The following TTC38 variants were observed in gnomAD, a reference collection of about 807,000 sequenced individuals.
TTC38 encodes tetratricopeptide repeat protein 38.
A neutral mutation model predicts 64.2 loss-of-function variants in TTC38; 64 were observed. That is an observed-to-expected ratio of 1.00 (90% CI 0.81 to 1.23). The LOEUF (loss-of-function observed/expected upper bound fraction) is 1.23. TTC38 is among the 50% of genes most tolerant of loss of function. The pLI, the probability that TTC38 is intolerant of heterozygous loss-of-function variation, is 0.00. For missense variants in TTC38, 573 were observed against 615.5 expected, an observed-to-expected ratio of 0.93 and a Z score of 0.73; for synonymous variants, 254 against 249.3, an observed-to-expected ratio of 1.02 and a Z score of -0.18.
chr22:46,288,191 CTT>C (rs1006433975), intron 10 of TTC38, among the ~76,000 whole-genome samples: 2 of 152,178 alleles, frequency 1.3e-5, no homozygotes, highest in Non-Finnish European at 2.9e-5. Flanking sequence ...ACCTTTGACA[CTT>C]TTTAAAATGT....
Position 46,291,557 on chromosome 22 carries a change from A to G in TTC38, c.1317-1234A>G, listed in dbSNP as rs1221637478. Among the ~76,000 whole-genome samples the G allele has an allele frequency of 6.6e-6, 1 of 152,140 alleles. No homozygotes were observed. The highest frequency in any genetic ancestry group is 1.9e-4 in the East Asian group (1 of 5,192). ...ACCCACAGCCATGGTGCCCCCCACA[A>G]TGAGTTCCCGGCCCCAGCCCCTTCA... On this transcript the variant is annotated intron_variant, in intron 13 of 13. Transcript: ENST00000381031. The surrounding 1 kb of genome is among the most constrained non-coding windows in gnomAD (Gnocchi z 4.6).
chr22:46,280,285 G>A (rs1298417538), intron 6 of TTC38: 1 of 452,646 alleles, frequency 2.2e-6, no homozygotes, highest in South Asian at 1.6e-5. Context: ...TGGCTCAATG[G>A]GTGGAGGCTT....
In TTC38 at chr22:46,281,110, T is replaced by C. The variant is rs1458427273; in HGVS notation, c.616-489T>C. Among the ~76,000 whole-genome samples, 1 of 152,108 alleles carries C rather than the reference T, an allele frequency of 6.6e-6. No homozygotes were observed. Among genetic ancestry groups the C allele is most frequent in the Non-Finnish European group, 1.5e-5 (1 of 68,030 alleles). Reference sequence around the variant, plus strand: ...CCAGAAAGCCACGTGTCCTCACATATATGGTAGTGGGAAGAGGCAGTCACA... The same window carrying C: ...CCAGAAAGCCACGTGTCCTCACATACATGGTAGTGGGAAGAGGCAGTCACA... On this transcript the variant is annotated intron_variant, in intron 6 of 13. Transcript: ENST00000381031. The surrounding 1 kb of genome is among the most constrained non-coding windows in gnomAD (Gnocchi z 5.2).
chr22:46,292,394 T>C lies in TTC38; in HGVS notation c.1317-397T>C. 3.3e-6 allele frequency: 1 copy of C among 302,876 alleles called. No homozygotes were observed. The highest frequency in any genetic ancestry group is 6.6e-6 in the Non-Finnish European group (1 of 151,426). 18.8% of individuals were successfully genotyped at this position (302,876 alleles called of 1,614,324 possible). A position where few individuals can be genotyped will look rare whatever the true frequency, so the allele number is the denominator to read the frequency against. On this transcript the variant is annotated intron_variant, in intron 13 of 13. Transcript: ENST00000381031. This position sits in a 1 kb window ranked among gnomAD's most constrained non-coding sequence, Gnocchi z 6.5. Reference sequence around the variant, plus strand: ...CCCATTCACAAGGGCCCCACCCTCATGACTTAATCACCTCCAAGAGGCCCT... The same window carrying C: ...CCCATTCACAAGGGCCCCACCCTCACGACTTAATCACCTCCAAGAGGCCCT...
In TTC38 at chr22:46,273,718, C is replaced by T. The variant is rs548559686; in HGVS notation, c.194-180C>T. ...GTGCCTTTAGGCTTGCAGTTCCCTC[C>T]ATGCTTGACAAGAGCCGAGGCTGAG... On this transcript the variant is annotated intron_variant, in intron 3 of 13. Transcript: ENST00000381031. This position sits in a 1 kb window ranked among gnomAD's most constrained non-coding sequence, Gnocchi z 5.1. Among the ~76,000 whole-genome samples, 1 of 152,328 alleles carries T rather than the reference C, an allele frequency of 6.6e-6. No homozygotes were observed. The highest frequency in any genetic ancestry group is 2.4e-5 in the African/African-American group (1 of 41,568).
In TTC38 at chr22:46,274,306, T is replaced by C. The variant is rs1037099597; in HGVS notation, c.365+237T>C. Among the ~76,000 whole-genome samples the C allele has an allele frequency of 2.0e-5, 3 of 152,166 alleles. No homozygotes were observed. Among genetic ancestry groups the C allele is most frequent in the African/African-American group, 7.2e-5 (3 of 41,434 alleles). On this transcript the variant is annotated intron_variant, in intron 4 of 13. Coordinates refer to ENST00000381031, the MANE Select transcript of TTC38 (RefSeq NM_017931.4). This position sits in a 1 kb window ranked among gnomAD's most constrained non-coding sequence, Gnocchi z 4.8. Reference sequence around the variant, plus strand: ...AACTTAGTGTCCAAAGTAACTTGCTTTGTTTCATTAAGTAAATTATATATT... The same window carrying C: ...AACTTAGTGTCCAAAGTAACTTGCTCTGTTTCATTAAGTAAATTATATATT...
intron 2 of TTC38, 61 bp downstream of exon 2, chr22:46,268,652 T>TC: frequency 6.6e-7 from 1 of 1,506,942 alleles, no homozygotes; most frequent in South Asian, 1.1e-5. Context: ...GGTTTTTTAA[T>TC]TGGGGAAAGC....
At chr22:46,279,462 A>G (rs1482129233) in intron 6 of TTC38, among the ~76,000 whole-genome samples, 1 of 152,214 alleles carries the variant, frequency 6.6e-6, no homozygotes, top group African/African-American at 2.4e-5. Context: ...AGCCTGCCTA[A>G]GACCACATGG....
intron 10 of TTC38, 81 bp downstream of exon 10, chr22:46,287,235 G>T (rs2077578312): frequency 7.5e-7 from 1 of 1,335,310 alleles, no homozygotes; most frequent in Non-Finnish European, 1.0e-6. Flanking sequence ...TAGGCCCAGG[G>T]TTGGGCAAGA....
At chr22:46,288,808 C>T (rs1274797121) in intron 11 of TTC38, among the ~76,000 whole-genome samples, 2 of 152,206 alleles carry the variant, frequency 1.3e-5, no homozygotes, top group Non-Finnish European at 2.9e-5. Context: ...ACTGGTTGCC[C>T]CAAGACACAG....
intron 8 of TTC38, 52 bp downstream of exon 8, chr22:46,284,084 G>A (rs1158582842): frequency 6.8e-7 from 1 of 1,480,986 alleles, no homozygotes; most frequent in Non-Finnish European, 9.3e-7. Context: ...TGTCTAGAGG[G>A]AGAAAGATTT....
intron 9 of TTC38, among the ~76,000 whole-genome samples, chr22:46,285,494 G>C (rs541621134): frequency 1.3e-5 from 2 of 152,136 alleles, no homozygotes; most frequent in African/African-American, 4.8e-5. Context: ...TGCTCAACTC[G>C]AGGGTGCTGA....
chr22:46,290,931 T>C lies in TTC38; in HGVS notation c.1316+1032T>C, dbSNP rs193222487. ...ATAAGTGAAAGGAAGAATAGAGGAG[T>C]CATGGGGTGCCTGGTGGGGAAGGTG... On this transcript the variant is annotated intron_variant, in intron 13 of 13. Coordinates refer to ENST00000381031, the MANE Select transcript of TTC38 (RefSeq NM_017931.4). 1.2e-3 allele frequency among the ~76,000 whole-genome samples: 182 copies of C among 151,804 alleles called. 1 individual carries two copies. Among genetic ancestry groups the C allele is most frequent in the African/African-American group, 4.3e-3 (177 of 41,368 alleles).
chr22:46,288,361 C>T, intron 10 of TTC38, 62 bp from the exon 11 acceptor site: 1 of 1,542,284 alleles, frequency 6.5e-7, no homozygotes, highest in Non-Finnish European at 8.8e-7. Flanking sequence ...GAGGGAGGCC[C>T]TTGCACGGGA....
rs1010599962 is a variant in TTC38, at chr22:46,270,365, G to A, written c.111+1774G>A. Among the ~76,000 whole-genome samples, 2 of 151,676 alleles carry A rather than the reference G, an allele frequency of 1.3e-5. No homozygotes were observed. Among genetic ancestry groups the A allele is most frequent in the Non-Finnish European group, 2.9e-5 (2 of 67,984 alleles). ...GATTGTGCCACTGTACTCCATCCTG[G>A]GCAACAGAGCAAACCCTGTCTTAAA... is the stretch of plus-strand genomic sequence containing the variant. On this transcript the variant is annotated intron_variant, in intron 2 of 13. Transcript: ENST00000381031. The surrounding 1 kb of genome is among the most constrained non-coding windows in gnomAD (Gnocchi z 4.7).
Position 46,278,576 on chromosome 22 carries a change from C to G in TTC38, c.540-10C>G. Reference sequence around the variant, plus strand: ...ATTTTGTATTCTGAGATCTTTTTTTCTGTTTTTAGCTATGTGAAAGGCATC... The same window carrying G: ...ATTTTGTATTCTGAGATCTTTTTTTGTGTTTTTAGCTATGTGAAAGGCATC... On this transcript the variant is annotated splice_polypyrimidine_tract_variant and intron_variant, in intron 5 of 13. Coordinates refer to ENST00000381031, the MANE Select transcript of TTC38 (RefSeq NM_017931.4). 16 of 1,612,062 alleles carry G rather than the reference C, an allele frequency of 9.9e-6. No homozygotes were observed. The highest frequency in any genetic ancestry group is 1.4e-5 in the Non-Finnish European group (16 of 1,178,548).
At chr22:46,286,193 A>G (rs1336708240) in intron 9 of TTC38, among the ~76,000 whole-genome samples, 3 of 151,998 alleles carry the variant, frequency 2.0e-5, no homozygotes, top group Non-Finnish European at 4.4e-5. Flanking sequence ...AGAGGGGGAA[A>G]AAAAAAAGCC....
Position 46,272,467 on chromosome 22 carries a change from C to T in TTC38, c.193+51C>T, listed in dbSNP as rs1205698886. ...GGAGCCCCGCTTCACACATCCAGCC[C>T]CTCTCTTTCCTTTACCACAGGGACA... On this transcript the variant is annotated intron_variant, in intron 3 of 13. Coordinates refer to ENST00000381031, the MANE Select transcript of TTC38 (RefSeq NM_017931.4). The surrounding 1 kb of genome is among the most constrained non-coding windows in gnomAD (Gnocchi z 6.4). The T allele has an allele frequency of 1.4e-6, 2 of 1,462,168 alleles. No individual in the cohort carries two copies. Among genetic ancestry groups the T allele is most frequent in the African/African-American group, 2.8e-5 (2 of 71,532 alleles). The allele number at this position is 1,462,168 out of a possible 1,614,324, so 90.6% of individuals were successfully genotyped here.
At chr22:46,277,040 TATACATACACACACACAC>T (rs1294999147) in intron 5 of TTC38, among the ~76,000 whole-genome samples, 47 of 75,600 alleles carry the variant, frequency 6.2e-4, no homozygotes, top group African/African-American at 2.6e-3. Flanking sequence ...AATACATATA[TATACATACACACACACAC>T]ACACACACAC....
Sources: gnomAD v4.1 joint callset for allele counts (sites outside exome capture counted in the v4.1 genomes callset) on GRCh38, gnomAD v4.1.1 for gene constraint, Gnocchi (gnomAD v3.1) non-coding constraint, MANE v1.5 for transcripts, NCBI Gene and HGNC (gene_info 2026-07-23, HGNC 2026-07-21) for gene names.